APPL2: variants seen among roughly 807,000 people sequenced by gnomAD.
APPL2 encodes adaptor protein, phosphotyrosine interacting with PH domain and leucine zipper 2.
Under a neutral mutation model 92.7 loss-of-function variants are expected in APPL2, and 84 were observed. That is an observed-to-expected ratio of 0.91 (90% CI 0.76 to 1.09). The LOEUF is 1.09. Among genes scored for constraint, APPL2 ranks in the 50% least tolerant of loss-of-function variants. The pLI is 0.00. For synonymous variants in APPL2, 291 were observed against 291.0 expected (o/e 1.00, Z 0.00); for missense variants, 736 against 824.5 (o/e 0.89, Z 1.31).
chr12:105,233,877 C>T (rs958344663), intron 1 of APPL2, among the ~76,000 whole-genome samples: 2 of 152,292 alleles, frequency 1.3e-5, no homozygotes, highest in Non-Finnish European at 2.9e-5. Flanking sequence ...GTCCCTGGCA[C>T]ATAAAATCCA....
intron 17 of APPL2, among the ~76,000 whole-genome samples, chr12:105,177,687 C>T (rs935664055): frequency 6.6e-6 from 1 of 152,042 alleles, no homozygotes; most frequent in African/African-American, 2.4e-5. Context: ...GATGAGGTAG[C>T]GGTGACAAAA....
At chr12:105,175,045 G>A (rs1057435329) in intron 20 of APPL2, among the ~76,000 whole-genome samples, 1 of 152,052 alleles carries the variant, frequency 6.6e-6, no homozygotes, top group Non-Finnish European at 1.5e-5. Flanking sequence ...CACCACACCC[G>A]GCTAATTTTT....
chr12:105,207,953 C>A lies in APPL2; in HGVS notation c.474+18G>T. On this transcript the variant is annotated intron_variant, in intron 7 of 20. Coordinates refer to ENST00000258530, the MANE Select transcript of APPL2 (RefSeq NM_018171.5). ...TTTATGTAAATGAAGTGAAAAACAA[C>A]ATGTAAAGTATTCTTACCTTCTCAT... 6.2e-7 allele frequency: 1 copy of A among 1,605,164 alleles called. No homozygotes were observed. The highest frequency in any genetic ancestry group is 8.5e-7 in the Non-Finnish European group (1 of 1,171,910).
At position 105,217,028 on chromosome 12, in the gene APPL2, G is replaced by A. The variant is rs374820746; in HGVS notation, c.285+41C>T. On this transcript the variant is annotated intron_variant, in intron 4 of 20. Transcript: ENST00000258530. ...CCAAAATAACAACAAAAGAAAGTTC[G>A]AGAAAGAATCAAATACAAATTTTCT... The A allele has an allele frequency of 3.1e-5, 44 of 1,425,990 alleles. No homozygotes were observed. The Middle Eastern group carries it at 7.5e-4, about 24-fold the overall frequency. 88.3% of individuals were successfully genotyped at this position (1,425,990 alleles called of 1,614,324 possible).
At chr12:105,218,517 T>G (rs1366295546) in intron 2 of APPL2, among the ~76,000 whole-genome samples, 3 of 152,118 alleles carry the variant, frequency 2.0e-5, no homozygotes, top group African/African-American at 4.8e-5. Context: ...GAAGACAAAC[T>G]AGGAGTCAGC....
At chr12:105,223,111 G>A (rs1186320455) in intron 2 of APPL2, among the ~76,000 whole-genome samples, 2 of 152,198 alleles carry the variant, frequency 1.3e-5, no homozygotes, top group Non-Finnish European at 2.9e-5. Context: ...TGGTTACAGA[G>A]AGCCACGGAG....
In APPL2 at chr12:105,201,585, C is replaced by G. The variant is rs144695072; in HGVS notation, c.705-2054G>C. ...GTAGCTGCCCTGCCTTCCCCTCCCC[C>G]ACCCCACACAGACTCAGGCTCAAAC... On this transcript the variant is annotated intron_variant, in intron 9 of 20. Coordinates refer to ENST00000258530, the MANE Select transcript of APPL2 (RefSeq NM_018171.5). Among the ~76,000 whole-genome samples, 73 of 152,084 alleles carry G rather than the reference C, an allele frequency of 4.8e-4. No homozygotes were observed. The East Asian group carries it at 0.012, about 25-fold the overall frequency.
intron 17 of APPL2, among the ~76,000 whole-genome samples, chr12:105,184,088 G>A (rs538399669): frequency 5.3e-5 from 8 of 152,126 alleles, no homozygotes; most frequent in Non-Finnish European, 1.0e-4. Context: ...AAGTTCTCGT[G>A]CTGTGTTTTT....
Position 105,174,059 on chromosome 12 carries a change from T to TA in APPL2, c.*254dup. The stretch of plus-strand genomic sequence containing the variant: ...CTTTTGTTCTGAGCGCTGAACAATC[T>TA]AAGAAATTTTAGCGCAATCTAAGAA... On this transcript the variant is annotated 3_prime_UTR_variant, in exon 21 of 21. Coordinates refer to ENST00000258530, the MANE Select transcript of APPL2 (RefSeq NM_018171.5). 1 of 364,658 alleles carries TA rather than the reference T, an allele frequency of 2.7e-6. No individual in the cohort carries two copies. The highest frequency in any genetic ancestry group is 5.5e-5 in the East Asian group (1 of 18,060). The allele number at this position is 364,658 out of a possible 1,614,324, so 22.6% of individuals were successfully genotyped here. A position where few individuals can be genotyped will look rare whatever the true frequency, so the allele number is the denominator to read the frequency against.
chr12:105,229,140 G>A lies in APPL2; in HGVS notation c.138C>T (p.Arg46=), dbSNP rs137856640. 29 of 1,612,086 alleles carry A rather than the reference G, an allele frequency of 1.8e-5. No individual in the cohort carries two copies. Among genetic ancestry groups the A allele is most frequent in the Admixed American group, 8.3e-5 (5 of 59,938 alleles). ...GGCAGCATACCTGGGCTCCATAGAC[G>A]CGCTGCATTGCCTGGAGCAGCTGGT... The part of the protein sequence containing the change: ...YTNQLLQAMQ[R]VYGAQNEMCL... The change falls in exon 2 of 21, where the codon CGC becomes CGT. Residue 46 remains arginine (R), a synonymous_variant. Coordinates refer to ENST00000258530, the MANE Select transcript of APPL2 (RefSeq NM_018171.5).
chr12:105,214,805 A>C (rs1276866380), intron 4 of APPL2, among the ~76,000 whole-genome samples: 1 of 152,218 alleles, frequency 6.6e-6, no homozygotes, highest in Admixed American at 6.5e-5. Flanking sequence ...CCAAACCACG[A>C]TTATGAGCTT....
chr12:105,205,822 G>A (rs372721004), intron 8 of APPL2, among the ~76,000 whole-genome samples: 6 of 152,312 alleles, frequency 3.9e-5, no homozygotes, highest in African/African-American at 1.4e-4. Context: ...GCAACAGTAT[G>A]AGTTACTGCA....
intron 4 of APPL2, among the ~76,000 whole-genome samples, chr12:105,212,634 C>G (rs1418987314): frequency 1.3e-5 from 2 of 152,256 alleles, no homozygotes. Flanking sequence ...GATCTTCCCA[C>G]TAGACCACAG....
rs1885240876 is a variant in APPL2 at position 105,174,107 on chromosome 12, T to G, written c.*207A>C. 1 of 529,814 alleles carries G rather than the reference T, an allele frequency of 1.9e-6. No homozygotes were observed. The highest frequency in any genetic ancestry group is 3.1e-6 in the Non-Finnish European group (1 of 323,534). 32.8% of individuals were successfully genotyped at this position (529,814 alleles called of 1,614,324 possible). A position where few individuals can be genotyped will look rare whatever the true frequency, so the allele number is the denominator to read the frequency against. ...GAAAAAAGACTTACCACAAAGCACC[T>G]AAAATAACATTGTAGATGGGTGGGA... is the stretch of plus-strand genomic sequence containing the variant. On this transcript the variant is annotated 3_prime_UTR_variant, in exon 21 of 21. Transcript: ENST00000258530.
intron 1 of APPL2, among the ~76,000 whole-genome samples, chr12:105,232,527 G>A (rs1424838180): frequency 6.6e-6 from 1 of 152,142 alleles, no homozygotes; most frequent in Non-Finnish European, 1.5e-5. Context: ...GACTTTGGGA[G>A]GCCAAGACAG....
rs150992069 is a variant in APPL2, at chr12:105,206,923, C to A, written c.621+138G>T. The A allele has an allele frequency of 3.3e-4, 385 of 1,151,588 alleles. 2 individuals are homozygous for A. In the African/African-American group the frequency reaches 5.3e-3, roughly 16 times the overall value. The allele number at this position is 1,151,588 out of a possible 1,614,324, so 71.3% of individuals were successfully genotyped here. Reference sequence around the variant, plus strand: ...AGCTCAACTGGAAGCTGTCCAAGTGCTGAATCCCACAAAGTAGCCAGGGAG... The same window carrying A: ...AGCTCAACTGGAAGCTGTCCAAGTGATGAATCCCACAAAGTAGCCAGGGAG... On this transcript the variant is annotated intron_variant, in intron 8 of 20. Transcript: ENST00000258530.
intron 17 of APPL2, among the ~76,000 whole-genome samples, chr12:105,185,734 A>G (rs976195655): frequency 7.9e-5 from 12 of 151,892 alleles, no homozygotes; most frequent in African/African-American, 2.9e-4. Context: ...TAAATCTTCT[A>G]ATTTTCTGTG....
chr12:105,177,477 T>C (rs939344328), intron 17 of APPL2: 7 of 574,062 alleles, frequency 1.2e-5, no homozygotes, highest in African/African-American at 9.4e-5. Flanking sequence ...AATGGAAGAT[T>C]ATATAGCAAG....
intron 5 of APPL2, 116 bp from the exon 6 acceptor site, chr12:105,208,315 C>T: frequency 1.6e-6 from 2 of 1,232,226 alleles, no homozygotes; most frequent in South Asian, 2.6e-5. Flanking sequence ...GCCCCTGCAC[C>T]CTCAGTCCCT....
Sources: gnomAD v4.1 joint callset for allele counts (sites outside exome capture counted in the v4.1 genomes callset) on GRCh38, gnomAD v4.1.1 for gene constraint, MANE v1.5 for transcripts, NCBI Gene and HGNC (gene_info 2026-07-23, HGNC 2026-07-21) for gene names.